The following CIT variants were observed in gnomAD, a reference collection of about 807,000 sequenced individuals.
The protein encoded by CIT is citron rho-interacting serine/threonine kinase, also known as citron Rho-interacting kinase.
Under a neutral mutation model 272.7 loss-of-function variants are expected in CIT, and 79 were observed. That is an observed-to-expected ratio of 0.29 (90% CI 0.24 to 0.35). The LOEUF is 0.35. CIT is among the 10% of genes least tolerant of loss of function. The pLI, the probability that CIT is intolerant of heterozygous loss-of-function variation, is 1.00. For missense variants in CIT, 1,909 were observed against 2,618.3 expected (o/e 0.73, Z 5.91); for synonymous variants, 948 against 995.6 (o/e 0.95, Z 0.90).
chr12:119,836,324 A>C (rs758933331), intron 5 of CIT, among the ~76,000 whole-genome samples: 19 of 149,516 alleles, frequency 1.3e-4, no homozygotes, highest in Non-Finnish European at 2.1e-4. Flanking sequence ...ATTATGAACA[A>C]GAGGAACACT....
intron 9 of CIT, 26 bp from the exon 10 acceptor site, chr12:119,803,415 GGC>G: frequency 6.6e-7 from 1 of 1,507,074 alleles, no homozygotes. Context: ...CAAGAAAGGA[GGC>G]GGGGAGGAAA....
chr12:119,789,511 T>C (rs1232988503), intron 10 of CIT, among the ~76,000 whole-genome samples: 1 of 152,202 alleles, frequency 6.6e-6, no homozygotes, highest in Non-Finnish European at 1.5e-5. Flanking sequence ...AAAAGAAATA[T>C]AATACAGATA....
intron 9 of CIT, among the ~76,000 whole-genome samples, chr12:119,821,396 A>C (rs1300638040): frequency 6.6e-6 from 1 of 152,248 alleles, no homozygotes; most frequent in Non-Finnish European, 1.5e-5. Flanking sequence ...CTAATTTATA[A>C]GTTAAGCTTT....
At position 119,690,405 on chromosome 12, in the gene CIT, G is replaced by A. The variant is rs560514727; in HGVS notation, c.5932C>T (p.Arg1978Cys). The A allele has an allele frequency of 3.1e-6, 5 of 1,596,196 alleles. No homozygotes were observed. The highest frequency in any genetic ancestry group is 2.7e-5 in the African/African-American group (2 of 74,880). ...GGCGGCGCTGGGCTGGAGGCCACGCGCTTGGTGATGTGCTCGTTGTACGTG... is the reference window on the plus strand; with the variant it reads ...GGCGGCGCTGGGCTGGAGGCCACGCACTTGGTGATGTGCTCGTTGTACGTG... ...PPTYNEHITK[R>C]VASSPAPPEG... The change falls in exon 47 of 48, where the codon CGC becomes TGC. Residue 1978 changes from arginine (R) to cysteine (C), a missense_variant. Around this residue, in one of 8 missense-constraint regions of CIT, gnomAD observed 780 missense variants for 1,067.2 expected, o/e 0.73. Coordinates refer to ENST00000392521, the MANE Select transcript of CIT (RefSeq NM_001206999.2). The surrounding 1 kb of genome is among the most constrained non-coding windows in gnomAD (Gnocchi z 6.0).
chr12:119,826,856 CT>C (rs1968208430), intron 7 of CIT, among the ~76,000 whole-genome samples: 1 of 152,176 alleles, frequency 6.6e-6, no homozygotes, highest in African/African-American at 2.4e-5. Flanking sequence ...TTTACTTTAA[CT>C]GGGTGTGGAG....
intron 13 of CIT, among the ~76,000 whole-genome samples, chr12:119,779,200 A>T (rs1162319091): frequency 1.3e-5 from 2 of 152,144 alleles, no homozygotes; most frequent in Non-Finnish European, 2.9e-5. Flanking sequence ...AGCCTGGGTG[A>T]CAGAGCAAGA....
chr12:119,865,966 T>C (rs1216068740), intron 3 of CIT, among the ~76,000 whole-genome samples: 1 of 150,346 alleles, frequency 6.7e-6, no homozygotes, highest in Non-Finnish European at 1.5e-5. Context: ...ATAGTGAACA[T>C]ATGCTGATTT....
In CIT at chr12:119,719,043, C is replaced by T. The variant is rs191105479; in HGVS notation, c.3841-182G>A. On this transcript the variant is annotated intron_variant, in intron 30 of 47. Transcript: ENST00000392521. ...AGGCTGAGCCACAGCCCGTTCCAGCCGGCTGAAAAAAATAGGGGTGCGGAA... is the reference window on the plus strand; with the variant it reads ...AGGCTGAGCCACAGCCCGTTCCAGCTGGCTGAAAAAAATAGGGGTGCGGAA... 3.6e-3 allele frequency: 2,153 copies of T among 605,668 alleles called. 10 individuals carry two copies. Among genetic ancestry groups the T allele is most frequent in the Non-Finnish European group, 5.3e-3 (1,860 of 353,330 alleles). The allele number at this position is 605,668 out of a possible 1,614,324, so 37.5% of individuals were successfully genotyped here.
intron 5 of CIT, among the ~76,000 whole-genome samples, chr12:119,834,694 C>G (rs746004623): frequency 9.9e-5 from 15 of 152,170 alleles, no homozygotes; most frequent in Non-Finnish European, 1.0e-4. Flanking sequence ...CAACTGACAG[C>G]CTCTATTCAA....
At chr12:119,723,152 GA>G (rs2137155579) in intron 28 of CIT, among the ~76,000 whole-genome samples, 1 of 152,052 alleles carries the variant, frequency 6.6e-6, no homozygotes, top group South Asian at 2.1e-4. Context: ...TAAAATACAG[GA>G]AAAAAGGAAA....
intron 9 of CIT, among the ~76,000 whole-genome samples, chr12:119,813,376 G>A (rs1452767839): frequency 1.3e-5 from 2 of 152,136 alleles, no homozygotes; most frequent in East Asian, 3.9e-4. Flanking sequence ...TGAACCACCT[G>A]GGCCTCTAAC....
At position 119,804,388 on chromosome 12, in the gene CIT, C is replaced by A. The variant is rs1261571664; in HGVS notation, c.1112-999G>T. Reference sequence around the variant, plus strand: ...GGCGAGTTAGAGCCGAGCATCACATCCCCCGCAGTGCAGGCTGCATGCTCC... The same window carrying A: ...GGCGAGTTAGAGCCGAGCATCACATACCCCGCAGTGCAGGCTGCATGCTCC... On this transcript the variant is annotated intron_variant, in intron 9 of 47. Transcript: ENST00000392521. This position sits in a 1 kb window ranked among gnomAD's most constrained non-coding sequence, Gnocchi z 5.3. 2 of 985,494 alleles carry A rather than the reference C, an allele frequency of 2.0e-6. No individual in the cohort carries two copies. The highest frequency in any genetic ancestry group is 3.5e-5 in the African/African-American group (2 of 57,258). 61.0% of individuals were successfully genotyped at this position (985,494 alleles called of 1,614,324 possible). A position where few individuals can be genotyped will look rare whatever the true frequency, so the allele number is the denominator to read the frequency against.
rs564119746 is a variant in CIT, at chr12:119,778,083, GT to G, written c.1666-1242del. ...CCGTAACATCACTCCTGCAATGCAAGTCACCCTGAAATCTGGAAGAGTCACA... is the reference window on the plus strand; with the variant it reads ...CCGTAACATCACTCCTGCAATGCAAGCACCCTGAAATCTGGAAGAGTCACA... On this transcript the variant is annotated intron_variant, in intron 13 of 47. Coordinates refer to ENST00000392521, the MANE Select transcript of CIT (RefSeq NM_001206999.2). Among the ~76,000 whole-genome samples, 32 of 152,304 alleles carry G rather than the reference GT, an allele frequency of 2.1e-4. No homozygotes were observed. The East Asian group carries it at 5.8e-3, about 28-fold the overall frequency.
intron 8 of CIT, among the ~76,000 whole-genome samples, chr12:119,824,362 G>T (rs1967994703): frequency 6.6e-6 from 1 of 152,000 alleles, no homozygotes; most frequent in Non-Finnish European, 1.5e-5. Flanking sequence ...ACCTCACAAG[G>T]TTGTTTGAAG....
At chr12:119,844,463 T>C (rs1001244292) in intron 5 of CIT, among the ~76,000 whole-genome samples, 1 of 152,062 alleles carries the variant, frequency 6.6e-6, no homozygotes, top group African/African-American at 2.4e-5. Context: ...TTAAGAGAGC[T>C]TGGATCAAGT....
At chr12:119,696,963 T>C (rs934512903) in intron 46 of CIT, among the ~76,000 whole-genome samples, 1 of 152,212 alleles carries the variant, frequency 6.6e-6, no homozygotes, top group African/African-American at 2.4e-5. Context: ...CCCAGGGCTG[T>C]ACTTTAATTT....
intron 46 of CIT, among the ~76,000 whole-genome samples, chr12:119,692,585 G>T (rs1367382021): frequency 1.3e-5 from 2 of 152,202 alleles, no homozygotes; most frequent in Admixed American, 6.5e-5. Flanking sequence ...TGCCCATCTG[G>T]TTATGCATTG....
chr12:119,758,441 G>A (rs1239427677), intron 21 of CIT, 150 bp downstream of exon 21: 1 of 628,212 alleles, frequency 1.6e-6, no homozygotes, highest in East Asian at 2.8e-5. Context: ...CTTAAGACAG[G>A]GCAAGATGAC....
chr12:119,689,234 TAGCC>T (rs1955781124), intron 47 of CIT, among the ~76,000 whole-genome samples: 1 of 150,346 alleles, frequency 6.7e-6, no homozygotes, highest in Non-Finnish European at 1.5e-5. Context: ...GGGAAAAAGT[TAGCC>T]AGACATGGTA....
Sources: allele counts gnomAD v4.1 joint callset (sites outside exome capture counted in the v4.1 genomes callset), GRCh38; gene constraint gnomAD v4.1.1; regional missense constraint gnomAD v4.1.1; non-coding constraint Gnocchi (gnomAD v3.1); transcripts MANE v1.5; gene names NCBI Gene and HGNC (gene_info 2026-07-23, HGNC 2026-07-21).